The following FHOD3 variants were observed in gnomAD, a reference collection of about 807,000 sequenced individuals.
FHOD3 encodes formin homology 2 domain containing 3, also known as FH1/FH2 domain-containing protein 3.
A neutral mutation model predicts 173.0 loss-of-function variants in FHOD3; 90 were observed. The observed-to-expected ratio is 0.52, with a 90% CI of 0.44 to 0.62. The LOEUF is 0.62. Ranked by LOEUF, FHOD3 falls within the 20% of genes least tolerant of loss-of-function variation. FHOD3 has a pLI of 0.00. For missense variants in FHOD3, 1,945 were observed against 2,034.7 expected (o/e 0.96, Z 0.85); for synonymous variants, 828 against 823.0 (o/e 1.01, Z -0.10).
intron 17 of FHOD3, among the ~76,000 whole-genome samples, chr18:36,703,352 G>A (rs2149599356): frequency 6.6e-6 from 1 of 152,302 alleles, no homozygotes; most frequent in Admixed American, 6.5e-5. Flanking sequence ...CTGGTGTTCT[G>A]TGCGGGAGTC....
At chr18:36,319,745 C>T (rs555425760) in intron 1 of FHOD3, among the ~76,000 whole-genome samples, 3 of 152,314 alleles carry the variant, frequency 2.0e-5, no homozygotes, top group African/African-American at 7.2e-5. Context: ...AAGTAAAACA[C>T]TCCTCAGCAA....
At chr18:36,434,833 C>T (rs1361429238) in intron 3 of FHOD3, among the ~76,000 whole-genome samples, 2 of 151,762 alleles carry the variant, frequency 1.3e-5, no homozygotes, top group Non-Finnish European at 1.5e-5. Flanking sequence ...TTTAAATTTC[C>T]AAATTTTATT....
chr18:36,734,281 T>G (rs2041521317), intron 20 of FHOD3, among the ~76,000 whole-genome samples: 1 of 152,250 alleles, frequency 6.6e-6, no homozygotes, highest in Admixed American at 6.5e-5. Flanking sequence ...TACTGGCATT[T>G]TGGGTTAGAC....
chr18:36,299,101 AGAG>A (rs2091890216), intron 1 of FHOD3, among the ~76,000 whole-genome samples: 2 of 152,178 alleles, frequency 1.3e-5, no homozygotes, highest in East Asian at 3.9e-4. Flanking sequence ...CTTTGCAAGT[AGAG>A]GAGGAGGTTG....
chr18:36,589,950 A>G (rs1169287284), intron 6 of FHOD3, among the ~76,000 whole-genome samples: 1 of 152,186 alleles, frequency 6.6e-6, no homozygotes, highest in African/African-American at 2.4e-5. Flanking sequence ...ACGTGAAGGC[A>G]TGCCAGGCAA....
At chr18:36,550,472 C>T (rs972801252) in intron 5 of FHOD3, among the ~76,000 whole-genome samples, 2 of 150,978 alleles carry the variant, frequency 1.3e-5, no homozygotes, top group African/African-American at 4.9e-5. Context: ...CTGTAAATTT[C>T]TAGGGGGAAA....
intron 6 of FHOD3, among the ~76,000 whole-genome samples, chr18:36,585,617 TGA>T (rs1222623831): frequency 6.6e-6 from 1 of 152,236 alleles, no homozygotes; most frequent in Non-Finnish European, 1.5e-5. Flanking sequence ...CCATTCACTC[TGA>T]GATGATCATC....
intron 6 of FHOD3, among the ~76,000 whole-genome samples, chr18:36,594,318 G>A (rs979628892): frequency 5.3e-5 from 8 of 151,932 alleles, no homozygotes; most frequent in African/African-American, 1.9e-4. Flanking sequence ...ACTTGGTTCC[G>A]GTTCCCTTCC....
At chr18:36,586,348 A>G (rs555771099) in intron 6 of FHOD3, among the ~76,000 whole-genome samples, 17 of 152,354 alleles carry the variant, frequency 1.1e-4, no homozygotes, top group Admixed American at 9.1e-4. Flanking sequence ...AATGCTGCCA[A>G]CTGGAAAAGT....
At chr18:36,450,170 G>A (rs1196927973) in intron 3 of FHOD3, among the ~76,000 whole-genome samples, 1 of 152,152 alleles carries the variant, frequency 6.6e-6, no homozygotes, top group Non-Finnish European at 1.5e-5. Flanking sequence ...AACATACGAT[G>A]TTTGGTTTTC....
At chr18:36,759,228 T>C (rs763281210) in intron 26 of FHOD3, 87 bp downstream of exon 26, 31 of 1,358,046 alleles carry the variant, frequency 2.3e-5, no homozygotes, top group Non-Finnish European at 2.9e-5. Flanking sequence ...GCATGAAGTG[T>C]CAGCACCATT....
At chr18:36,432,896 G>C (rs944168862) in intron 3 of FHOD3, among the ~76,000 whole-genome samples, 2 of 152,146 alleles carry the variant, frequency 1.3e-5, no homozygotes, top group African/African-American at 2.4e-5. Flanking sequence ...ATATCTTTCT[G>C]TTTCCCATTT....
At chr18:36,602,844 C>A in intron 8 of FHOD3, 76 bp downstream of exon 8, 1 of 1,113,238 alleles carries the variant, frequency 9.0e-7, no homozygotes, top group Non-Finnish European at 1.4e-6. Flanking sequence ...GGTATCTGTG[C>A]TTGTGGGCTT....
At chr18:36,314,420 T>G (rs1598671581) in intron 1 of FHOD3, among the ~76,000 whole-genome samples, 1 of 151,926 alleles carries the variant, frequency 6.6e-6, no homozygotes, top group East Asian at 1.9e-4. Flanking sequence ...GAAATTAGAG[T>G]GTGAAAGGTG....
intron 3 of FHOD3, among the ~76,000 whole-genome samples, chr18:36,437,792 T>A (rs1411677861): frequency 3.3e-5 from 5 of 151,298 alleles, no homozygotes; most frequent in Non-Finnish European, 7.4e-5. Flanking sequence ...GCCTCCTGAG[T>A]AGCTGGGATT....
intron 17 of FHOD3, among the ~76,000 whole-genome samples, chr18:36,704,003 T>C (rs1221319412): frequency 6.6e-6 from 1 of 152,220 alleles, no homozygotes; most frequent in Non-Finnish European, 1.5e-5. Flanking sequence ...GTTCTGGTTA[T>C]GGGTCCTTCC....
chr18:36,425,992 C>T (rs2050221942), intron 3 of FHOD3, among the ~76,000 whole-genome samples: 1 of 151,900 alleles, frequency 6.6e-6, no homozygotes. Flanking sequence ...GCTCTGCCTC[C>T]CGGGTTCATG....
intron 27 of FHOD3, among the ~76,000 whole-genome samples, chr18:36,765,850 C>A (rs981203567): frequency 6.6e-6 from 1 of 152,004 alleles, no homozygotes; most frequent in African/African-American, 2.4e-5. Flanking sequence ...GTTGAATGGT[C>A]TAACATGTGT....
intron 1 of FHOD3, among the ~76,000 whole-genome samples, chr18:36,331,321 G>C (rs1568131844): frequency 6.6e-6 from 1 of 152,208 alleles, no homozygotes; most frequent in African/African-American, 2.4e-5. Flanking sequence ...TTGCCAGAAA[G>C]TGCACTAGAA....
Sources: allele counts gnomAD v4.1 joint callset (sites outside exome capture counted in the v4.1 genomes callset), GRCh38; gene constraint gnomAD v4.1.1; transcripts MANE v1.5; gene names NCBI Gene and HGNC (gene_info 2026-07-23, HGNC 2026-07-21).